The following OTOGL variants were observed in gnomAD, a reference collection of about 807,000 sequenced individuals.
The protein encoded by OTOGL is otogelin-like protein.
OTOGL carries 285 observed loss-of-function variants against 318.5 expected under a neutral mutation model. The ratio of observed to expected loss-of-function variants is 0.89; its 90% CI spans 0.81 to 0.99. OTOGL has a LOEUF of 0.99. Among genes scored for constraint, OTOGL ranks in the 50% least tolerant of loss-of-function variants. OTOGL has a pLI of 0.00. For missense variants in OTOGL, 2,899 were observed against 2,845.6 expected (o/e 1.02, Z -0.43); for synonymous variants, 987 against 936.5 (o/e 1.05, Z -0.99).
At chr12:80,343,230 A>G (rs1888898195) in intron 44 of OTOGL, among the ~76,000 whole-genome samples, 1 of 152,062 alleles carries the variant, frequency 6.6e-6, no homozygotes, top group Non-Finnish European at 1.5e-5. Context: ...GAGAAGAGGG[A>G]GGGATGGAGT....
intron 38 of OTOGL, among the ~76,000 whole-genome samples, chr12:80,335,049 A>G (rs1315870514): frequency 6.6e-6 from 1 of 152,186 alleles, no homozygotes; most frequent in Admixed American, 6.5e-5. Flanking sequence ...TATTGGAATG[A>G]TAGAAACTGA....
chr12:80,250,334 A>C (rs944992732), intron 11 of OTOGL, among the ~76,000 whole-genome samples: 3 of 152,252 alleles, frequency 2.0e-5, no homozygotes, highest in Non-Finnish European at 2.9e-5. Flanking sequence ...GTGAGTTTTC[A>C]TGAGGTGTCA....
Position 80,328,741 on chromosome 12 carries a change from G to A in OTOGL, c.4276G>A (p.Asp1426Asn), listed in dbSNP as rs765302099. Residue 1426 changes from aspartate (D) to asparagine (N), a missense_variant, in exon 36 of 59, where the codon GAC becomes AAC. By Grantham distance (23) the Asp-to-Asn change is conservative. This residue lies in a region of OTOGL where 2,607 missense variants were observed against 2,524.9 expected (regional missense o/e 1.03). Transcript: ENST00000547103. ...EVTLKCVYPR[D>N]CIPVIPTEPT... ...CACCCTCAAGTGTGTTTATCCACGA[G>A]ACTGTAAGTGTGAACGTTGCTTAAT... 1 of 1,590,836 alleles carries A rather than the reference G, an allele frequency of 6.3e-7. No homozygotes were observed. Among genetic ancestry groups the A allele is most frequent in the Non-Finnish European group, 8.6e-7 (1 of 1,159,494 alleles).
chr12:80,270,059 C>CT, intron 22 of OTOGL, 43 bp from the exon 23 acceptor site: 1 of 1,195,024 alleles, frequency 8.4e-7, no homozygotes. Flanking sequence ...AAAAAAAAAA[C>CT]AACAGATTTG....
At chr12:80,204,292 G>A (rs975831389) in intron 1 of OTOGL, among the ~76,000 whole-genome samples, 1 of 152,140 alleles carries the variant, frequency 6.6e-6, no homozygotes, top group African/African-American at 2.4e-5. Context: ...TGCCAATATA[G>A]GGGAAGCAGA....
intron 1 of OTOGL, among the ~76,000 whole-genome samples, chr12:80,172,751 C>T (rs948244598): frequency 4.6e-5 from 7 of 152,080 alleles, no homozygotes; most frequent in East Asian, 1.9e-4. Context: ...CTCGGCTCAC[C>T]GCAGCCTCTG....
Position 80,366,532 on chromosome 12 carries a change from A to T in OTOGL, c.6268-42A>T, listed in dbSNP as rs761423468. ...TAGGTTATATATATATATATATATA[A>T]AATAAGCTAAATGATAAGTAATAGT... is the stretch of plus-strand genomic sequence containing the variant. On this transcript the variant is annotated intron_variant, in intron 52 of 58. Transcript: ENST00000547103. 41 of 122,998 alleles carry T rather than the reference A, an allele frequency of 3.3e-4. No individual in the cohort carries two copies. In the Middle Eastern group the frequency reaches 9.1e-3, roughly 27 times the overall value. 7.6% of individuals were successfully genotyped at this position (122,998 alleles called of 1,614,324 possible).
intron 1 of OTOGL, among the ~76,000 whole-genome samples, chr12:80,141,435 A>T (rs775925452): frequency 7.9e-5 from 12 of 152,130 alleles, no homozygotes; most frequent in Non-Finnish European, 1.6e-4. Flanking sequence ...AAGCACTTTT[A>T]TTTCTTGGTG....
intron 18 of OTOGL, among the ~76,000 whole-genome samples, chr12:80,259,434 A>G (rs1882341747): frequency 6.6e-6 from 1 of 152,064 alleles, no homozygotes; most frequent in African/African-American, 2.4e-5. Flanking sequence ...TTACATAGAC[A>G]TACATGTGCC....
intron 1 of OTOGL, among the ~76,000 whole-genome samples, chr12:80,135,725 C>T (rs1871525195): frequency 6.6e-6 from 1 of 152,190 alleles, no homozygotes; most frequent in Non-Finnish European, 1.5e-5. Context: ...ACTGGTCAAA[C>T]ATTGTGAGTG....
intron 1 of OTOGL, chr12:80,103,247 A>G: frequency 1.3e-6 from 2 of 1,489,748 alleles, no homozygotes; most frequent in Non-Finnish European, 1.9e-6. Context: ...GGGAAGACAT[A>G]ATCTTCCTTC....
At chr12:80,307,403 A>G (rs1390052119) in intron 29 of OTOGL, among the ~76,000 whole-genome samples, 15 of 148,820 alleles carry the variant, frequency 1.0e-4, no homozygotes, top group Admixed American at 9.3e-4. Flanking sequence ...GGCACCCCTC[A>G]CCTCCCGGAC....
Position 80,378,545 on chromosome 12 carries a change from G to C in OTOGL, c.*497G>C, listed in dbSNP as rs1236065773. 1 of 152,848 alleles carries C rather than the reference G, an allele frequency of 6.5e-6. No individual in the cohort carries two copies. The highest frequency in any genetic ancestry group is 1.5e-5 in the Non-Finnish European group (1 of 68,510). The allele number at this position is 152,848 out of a possible 1,614,324, so 9.5% of individuals were successfully genotyped here. On this transcript the variant is annotated 3_prime_UTR_variant, in exon 59 of 59. Transcript: ENST00000547103. ...ATAATGGATTATTTAAAACCTGAAT[G>C]GTTTATAGAGAAGTCATTATAAATT...
intron 57 of OTOGL, among the ~76,000 whole-genome samples, chr12:80,375,070 A>T (rs1012491348): frequency 2.0e-5 from 3 of 152,132 alleles, no homozygotes; most frequent in African/African-American, 7.2e-5. Flanking sequence ...AAGCCACTTC[A>T]GTTTCTCTCA....
At position 80,378,990 on chromosome 12, in the gene OTOGL, T is replaced by C. The variant is rs1383541341; in HGVS notation, c.*942T>C. The C allele has an allele frequency of 6.6e-6, 1 of 152,492 alleles. No individual in the cohort carries two copies. The highest frequency in any genetic ancestry group is 1.9e-4 in the East Asian group (1 of 5,208). The allele number at this position is 152,492 out of a possible 1,614,324, so 9.4% of individuals were successfully genotyped here. A position where few individuals can be genotyped will look rare whatever the true frequency, so the allele number is the denominator to read the frequency against. ...TCTCATTAATATTTAATTTTGAGGATGTACTTGCATACTGTTGAAGTTGAG... is the reference window on the plus strand; with the variant it reads ...TCTCATTAATATTTAATTTTGAGGACGTACTTGCATACTGTTGAAGTTGAG... On this transcript the variant is annotated 3_prime_UTR_variant, in exon 59 of 59. Coordinates refer to ENST00000547103, the MANE Select transcript of OTOGL (RefSeq NM_001378609.3).
chr12:80,310,700 T>A lies in OTOGL; in HGVS notation c.3423T>A (p.Ser1141Arg). 1 of 1,588,166 alleles carries A rather than the reference T, an allele frequency of 6.3e-7. No individual in the cohort carries two copies. Among genetic ancestry groups the A allele is most frequent in the Non-Finnish European group, 8.6e-7 (1 of 1,169,568 alleles). Residue 1141 changes from serine to arginine, a missense_variant, in exon 30 of 59, where the codon AGT becomes AGA. Ser to Arg is a moderately radical substitution (Grantham distance 110). Transcript: ENST00000547103. ...YAKKECSILY[S>R]DIFASCRNVI... ...AGAAAGAATGCTCCATTTTGTACAG[T>A]GATATTTTTGCTTCTTGTCGCAATG... is the stretch of plus-strand genomic sequence containing the variant.
intron 11 of OTOGL, among the ~76,000 whole-genome samples, chr12:80,243,256 G>C (rs1159795219): frequency 3.9e-5 from 6 of 152,016 alleles, no homozygotes; most frequent in Admixed American, 6.6e-5. Flanking sequence ...ATGGAGACCA[G>C]AAGGAAGTGG....
chr12:80,102,042 C>T (rs1029258447), intron 1 of OTOGL, among the ~76,000 whole-genome samples: 1 of 152,140 alleles, frequency 6.6e-6, no homozygotes, highest in African/African-American at 2.4e-5. Context: ...CCAATCCAGG[C>T]TTCTATTAAT....
At chr12:80,316,273 C>T (rs1198969271) in intron 32 of OTOGL, among the ~76,000 whole-genome samples, 1 of 152,062 alleles carries the variant, frequency 6.6e-6, no homozygotes, top group African/African-American at 2.4e-5. Flanking sequence ...ATAATGTGCA[C>T]AGACAACAAT....
Sources: gnomAD v4.1 joint callset for allele counts (sites outside exome capture counted in the v4.1 genomes callset) on GRCh38, gnomAD v4.1.1 for gene constraint, gnomAD v4.1.1 regional missense constraint, MANE v1.5 for transcripts, NCBI Gene and HGNC (gene_info 2026-07-23, HGNC 2026-07-21) for gene names.